Variants in SAMD14 observed in about 807,000 individuals in gnomAD.
SAMD14 encodes the protein sterile alpha motif domain-containing protein 14.
A neutral mutation model predicts 46.2 loss-of-function variants in SAMD14; 27 were observed. That is an observed-to-expected ratio of 0.58 (90% CI 0.43 to 0.81). SAMD14 has a LOEUF of 0.81. SAMD14 is among the 30% of genes least tolerant of loss of function. The pLI is 0.00. For synonymous variants in SAMD14, 241 were observed against 254.3 expected, an observed-to-expected ratio of 0.95 and a Z score of 0.50; for missense variants, 559 against 582.2, an observed-to-expected ratio of 0.96 and a Z score of 0.41.
rs1911271041 is a variant in SAMD14, at chr17:50,117,502, G to T, written c.404C>A (p.Ala135Asp). 1.4e-6 allele frequency: 2 copies of T among 1,463,696 alleles called. No homozygotes were observed. The highest frequency in any genetic ancestry group is 2.9e-5 in the East Asian group (1 of 34,962). The allele number at this position is 1,463,696 out of a possible 1,614,324, so 90.7% of individuals were successfully genotyped here. A position where few individuals can be genotyped will look rare whatever the true frequency, so the allele number is the denominator to read the frequency against. Residue 135 changes from alanine (A) to aspartate (D), a missense_variant, in exon 4 of 10, where the codon GCC becomes GAC. Ala to Asp is a moderately radical substitution (Grantham distance 126). Coordinates refer to ENST00000330175, the MANE Select transcript of SAMD14 (RefSeq NM_001257359.2). ...GCGCGGCGGAGAGCAGGAGGCGGCG[G>T]CCAGGCCCTCGTGCGACGCAGCGTT... ...LHNAASHEGL[A>D]AASCSPPRSA...
chr17:50,124,773 A>ACGTGCGCG, intron 2 of SAMD14, 144 bp downstream of exon 2: 2 of 336,670 alleles, frequency 5.9e-6, no homozygotes, highest in Admixed American at 4.5e-5. Flanking sequence ...GCGCGCGCGC[A>ACGTGCGCG]CACACACACA....
intron 1 of SAMD14, among the ~76,000 whole-genome samples, chr17:50,126,852 C>A (rs1367945023): frequency 6.6e-6 from 1 of 151,860 alleles, no homozygotes; most frequent in African/African-American, 2.4e-5. Flanking sequence ...GTAATCCCAG[C>A]ACTTTGGGAG....
intron 2 of SAMD14, 121 bp from the exon 3 acceptor site, chr17:50,118,448 TG>T: frequency 8.3e-7 from 1 of 1,204,744 alleles, no homozygotes; most frequent in South Asian, 1.4e-5. Context: ...TCTTGAGTGC[TG>T]GGAGCACAGA....
chr17:50,119,995 T>C (rs1360250157), intron 2 of SAMD14, among the ~76,000 whole-genome samples: 2 of 152,212 alleles, frequency 1.3e-5, no homozygotes, highest in Non-Finnish European at 2.9e-5. Flanking sequence ...CAATTCCTGT[T>C]AGCTCTACTT....
At position 50,112,180 on chromosome 17, in the gene SAMD14, C is replaced by A. The variant is rs1910885465; in HGVS notation, c.*713G>T. ...TCTTGAATGGGCCCTGAGAGGCAGA[C>A]CTGTGTGGTGTCATCTCGCCCCCTG... On this transcript the variant is annotated 3_prime_UTR_variant, in exon 10 of 10. Transcript: ENST00000330175. 3 of 152,148 alleles carry A rather than the reference C, an allele frequency of 2.0e-5. No homozygotes were observed. The highest frequency in any genetic ancestry group is 2.0e-4 in the Admixed American group (3 of 15,276). 9.4% of individuals were successfully genotyped at this position (152,148 alleles called of 1,614,324 possible). A position where few individuals can be genotyped will look rare whatever the true frequency, so the allele number is the denominator to read the frequency against.
In SAMD14 at chr17:50,112,726, T is replaced by C; in HGVS notation, c.*167A>G. ...CTCCCTGGGGTCTCCCTTTCTGGGG[T>C]CTCTGGGTCTAGACCAAGTGACAGG... On this transcript the variant is annotated 3_prime_UTR_variant, in exon 10 of 10. Coordinates refer to ENST00000330175, the MANE Select transcript of SAMD14 (RefSeq NM_001257359.2). 1.4e-6 allele frequency: 1 copy of C among 732,306 alleles called. No homozygotes were observed. The highest frequency in any genetic ancestry group is 2.1e-6 in the Non-Finnish European group (1 of 469,078). 45.4% of individuals were successfully genotyped at this position (732,306 alleles called of 1,614,324 possible). A position where few individuals can be genotyped will look rare whatever the true frequency, so the allele number is the denominator to read the frequency against.
In SAMD14 at chr17:50,113,046, G is replaced by A. The variant is rs1307128404; in HGVS notation, c.1101C>T (p.Ser367=). ...LLQLDGSKLK[S]LGLSNSHDRA... is the part of the protein sequence containing the mutation. ...GGTCATGAGAGTTGCTGAGCCCCAGGCTCTGGGGAGGAGTCCGGGGTGAGG... is the reference window on the plus strand; with the variant it reads ...GGTCATGAGAGTTGCTGAGCCCCAGACTCTGGGGAGGAGTCCGGGGTGAGG... The change falls in exon 10 of 10, where the codon AGC becomes AGT. Residue 367 remains serine (S), a splice_region_variant and synonymous_variant. Transcript: ENST00000330175. The A allele has an allele frequency of 1.2e-6, 2 of 1,611,558 alleles. No homozygotes were observed. The highest frequency in any genetic ancestry group is 1.3e-5 in the African/African-American group (1 of 74,930).
chr17:50,124,771 G>GCGCGCGCGCGCGCGCA (rs71353620), intron 2 of SAMD14, 146 bp downstream of exon 2: 2 of 569,594 alleles, frequency 3.5e-6, no homozygotes, highest in African/African-American at 4.0e-5. Flanking sequence ...ACGCGCGCGC[G>GCGCGCGCGCGCGCGCA]CACACACACA....
chr17:50,128,482 T>TCTCACACA lies in SAMD14; in HGVS notation c.-13+1034_-13+1035insTGTGTGAG, dbSNP rs550871572. On this transcript the variant is annotated intron_variant, in intron 1 of 9. Coordinates refer to ENST00000330175, the MANE Select transcript of SAMD14 (RefSeq NM_001257359.2). ...TCCCACACACACCCCGCACACTCTCTCACACACACACACACACACACACAC... is the reference window on the plus strand; with the variant it reads ...TCCCACACACACCCCGCACACTCTCTCTCACACACACACACACACACACACACACACAC... Among the ~76,000 whole-genome samples the TCTCACACA allele has an allele frequency of 9.5e-3, 1,291 of 135,866 alleles. 15 individuals carry two copies. The highest frequency in any genetic ancestry group is 0.026 in the African/African-American group (916 of 35,028). 89.1% of individuals were successfully genotyped at this position (135,866 alleles called of 152,430 possible).
rs1187989929 is a variant in SAMD14 at position 50,112,930 on chromosome 17, T to C, written c.1217A>G (p.Lys406Arg). Residue 406 changes from lysine to arginine, a missense_variant, in exon 10 of 10, where the codon AAG (lysine) becomes AGG (arginine). By Grantham distance (26) the Lys-to-Arg change is conservative. Coordinates refer to ENST00000330175, the MANE Select transcript of SAMD14 (RefSeq NM_001257359.2). ...GGCCTCCTGCTCTCGGCGCCGGAGC[T>C]TCTCCCGCTGCCGCGCAGCCTTCTC... The part of the protein sequence containing the change: ...AQEKAARQRE[K>R]LRRREQEAKK... The C allele has an allele frequency of 6.2e-7, 1 of 1,608,532 alleles. No homozygotes were observed. Among genetic ancestry groups the C allele is most frequent in the African/African-American group, 1.3e-5 (1 of 75,042 alleles).
In SAMD14 at chr17:50,117,794, TC is replaced by T. The variant is rs113735433; in HGVS notation, c.211-100del. 1.1e-5 allele frequency: 14 copies of T among 1,244,870 alleles called. 1 individual carries two copies. The highest frequency in any genetic ancestry group is 7.9e-5 in the African/African-American group (5 of 63,080). 77.1% of individuals were successfully genotyped at this position (1,244,870 alleles called of 1,614,324 possible). ...GTAAACTGCGGGCCCTGAGGGTCCT[TC>T]CGGGGCCTAGAGGGAGGGTTTCCTC... On this transcript the variant is annotated intron_variant, in intron 3 of 9. Transcript: ENST00000330175.
At position 50,117,533 on chromosome 17, in the gene SAMD14, G is replaced by C. The variant is rs972651207; in HGVS notation, c.373C>G (p.Leu125Val). The C allele has an allele frequency of 2.0e-6, 3 of 1,538,034 alleles. No individual in the cohort carries two copies. Among genetic ancestry groups the C allele is most frequent in the African/African-American group, 2.8e-5 (2 of 70,342 alleles). ...CCCTCGTGCGACGCAGCGTTGTGCA[G>C]GGGCCGGTAGCGTGTGAGCGGCGAG... ...PPSPLTRYRPLHNAASHEGLA... is the reference protein window; with the variant it reads ...PPSPLTRYRPVHNAASHEGLA... Residue 125 changes from leucine (L) to valine (V), a missense_variant, in exon 4 of 10, where the codon CTG becomes GTG. Coordinates refer to ENST00000330175, the MANE Select transcript of SAMD14 (RefSeq NM_001257359.2).
At position 50,115,872 on chromosome 17, in the gene SAMD14, C is replaced by A. The variant is rs1911166105; in HGVS notation, c.620G>T (p.Ser207Ile). The change falls in exon 6 of 10, where the codon AGC (serine) becomes ATC (isoleucine). Residue 207 changes from serine to isoleucine, a missense_variant. By Grantham distance (142) the Ser-to-Ile change is moderately radical. Transcript: ENST00000330175. The surrounding 1 kb of genome is among the most constrained non-coding windows in gnomAD (Gnocchi z 5.3). ...VTLRRASTGK[S>I]RKEKGSNRLS... ...TCGGTTGCTGCCTTTCTCCTTCCGG[C>A]TCTTGCCCGTGGATGCTCGGCGCAG... is the stretch of plus-strand genomic sequence containing the variant. 6.2e-7 allele frequency: 1 copy of A among 1,613,376 alleles called. No individual in the cohort carries two copies. Among genetic ancestry groups the A allele is most frequent in the Non-Finnish European group, 8.5e-7 (1 of 1,179,844 alleles).
Position 50,130,139 on chromosome 17 carries a change from C to T in SAMD14, c.-635G>A, listed in dbSNP as rs918763011. 7.2e-5 allele frequency among the ~76,000 whole-genome samples: 11 copies of T among 152,042 alleles called. No individual in the cohort carries two copies. Among genetic ancestry groups the T allele is most frequent in the African/African-American group, 2.4e-4 (10 of 41,424 alleles). ...GGGGAGCGGAGTTGCAGCTACTTCT[C>T]TGCCCGCGGGAGACGCGGCGCACCG... On this transcript the variant is annotated 5_prime_UTR_variant, in exon 1 of 10. Coordinates refer to ENST00000330175, the MANE Select transcript of SAMD14 (RefSeq NM_001257359.2). The surrounding 1 kb of genome is among the most constrained non-coding windows in gnomAD (Gnocchi z 4.1).
intron 2 of SAMD14, among the ~76,000 whole-genome samples, chr17:50,120,129 G>A (rs1911433293): frequency 6.6e-6 from 1 of 152,158 alleles, no homozygotes; most frequent in African/African-American, 2.4e-5. Flanking sequence ...AACTAGACTG[G>A]CTATGACTAG....
chr17:50,113,884 A>G (rs1264666632), intron 9 of SAMD14, 40 bp downstream of exon 9: 2 of 1,611,350 alleles, frequency 1.2e-6, no homozygotes, highest in Non-Finnish European at 1.7e-6. Flanking sequence ...AGTCACCTCA[A>G]GTAACTGGGC....
rs894572103 is a variant in SAMD14, at chr17:50,117,388, G to C, written c.499+19C>G. On this transcript the variant is annotated intron_variant, in intron 4 of 9. Transcript: ENST00000330175. ...CCCGGGAGCGACCAGCAGGAGGTGC[G>C]GCGCTGGCCGCCTCTCACCTTCGCT... The C allele has an allele frequency of 1.6e-6, 2 of 1,287,330 alleles. No individual in the cohort carries two copies. The highest frequency in any genetic ancestry group is 2.0e-6 in the Non-Finnish European group (2 of 1,019,588). 79.7% of individuals were successfully genotyped at this position (1,287,330 alleles called of 1,614,324 possible).
At chr17:50,119,818 A>T (rs1468280782) in intron 2 of SAMD14, among the ~76,000 whole-genome samples, 5 of 152,050 alleles carry the variant, frequency 3.3e-5, no homozygotes, top group African/African-American at 9.7e-5. Context: ...TTTGATGTCC[A>T]CCAGGGGTCT....
intron 2 of SAMD14, among the ~76,000 whole-genome samples, chr17:50,119,296 A>G (rs892175926): frequency 1.3e-5 from 2 of 152,168 alleles, no homozygotes; most frequent in African/African-American, 4.8e-5. Context: ...CTCGGAATGA[A>G]GCCCTCATGC....
Sources: gnomAD v4.1 joint callset for allele counts (sites outside exome capture counted in the v4.1 genomes callset) on GRCh38, gnomAD v4.1.1 for gene constraint, Gnocchi (gnomAD v3.1) non-coding constraint, MANE v1.5 for transcripts, NCBI Gene and HGNC (gene_info 2026-07-23, HGNC 2026-07-21) for gene names.